Variants in SDCCAG8 observed in about 807,000 individuals in gnomAD.
SDCCAG8 encodes serologically defined colon cancer antigen 8.
Under a neutral mutation model 101.8 loss-of-function variants are expected in SDCCAG8, and 74 were observed. That is an observed-to-expected ratio of 0.73 (90% CI 0.60 to 0.88). The LOEUF (loss-of-function observed/expected upper bound fraction) is 0.88, where lower values mean the gene tolerates loss of function less well. SDCCAG8 is among the 40% of genes least tolerant of loss of function. The pLI, the probability that SDCCAG8 is intolerant of heterozygous loss-of-function variation, is 0.00. For synonymous variants in SDCCAG8, 281 were observed against 292.9 expected (o/e 0.96, Z 0.41); for missense variants, 787 against 822.6 (o/e 0.96, Z 0.53).
intron 16 of SDCCAG8, among the ~76,000 whole-genome samples, chr1:243,487,410 G>A (rs894088138): frequency 6.6e-6 from 1 of 152,238 alleles, no homozygotes; most frequent in Non-Finnish European, 1.5e-5. Flanking sequence ...ATGGCCTTAG[G>A]TATTGCCAGA....
intron 4 of SDCCAG8, among the ~76,000 whole-genome samples, chr1:243,278,728 G>A (rs1207522323): frequency 6.6e-6 from 1 of 152,058 alleles, no homozygotes; most frequent in East Asian, 1.9e-4. Flanking sequence ...GAAAGACAGT[G>A]TTATTTTCTC....
intron 6 of SDCCAG8, among the ~76,000 whole-genome samples, chr1:243,302,344 G>A (rs972629978): frequency 2.9e-5 from 4 of 139,052 alleles, no homozygotes; most frequent in African/African-American, 1.0e-4. Flanking sequence ...CTCTACTCTG[G>A]GGGAAAAAAT....
At chr1:243,454,067 A>T (rs1047160896) in intron 16 of SDCCAG8, among the ~76,000 whole-genome samples, 2 of 152,182 alleles carry the variant, frequency 1.3e-5, no homozygotes, top group Admixed American at 6.5e-5. Flanking sequence ...ATTCGCACCT[A>T]GCTCAGATTT....
Position 243,274,591 on chromosome 1 carries a change from G to A in SDCCAG8, c.355G>A (p.Val119Ile). The A allele has an allele frequency of 6.2e-7, 1 of 1,611,660 alleles. No individual in the cohort carries two copies. The highest frequency in any genetic ancestry group is 1.1e-5 in the South Asian group (1 of 90,870). The change falls in exon 4 of 18, where the codon GTT (valine) becomes ATT (isoleucine). Residue 119 changes from valine (V) to isoleucine (I), a missense_variant. Val to Ile is a conservative substitution (Grantham distance 29). Transcript: ENST00000366541. The part of the protein sequence containing the change: ...ETNMPTMHDL[V>I]HTINDQSQYI... ...CAATATGCCTACTATGCACGACCTTGTTCATACTATTAATGACCAGTCTCA... is the reference window on the plus strand; with the variant it reads ...CAATATGCCTACTATGCACGACCTTATTCATACTATTAATGACCAGTCTCA...
At chr1:243,442,031 C>T (rs1360540660) in intron 16 of SDCCAG8, among the ~76,000 whole-genome samples, 1 of 152,050 alleles carries the variant, frequency 6.6e-6, no homozygotes, top group Non-Finnish European at 1.5e-5. Flanking sequence ...AAGATGGAAA[C>T]TATTATAATA....
intron 1 of SDCCAG8, among the ~76,000 whole-genome samples, chr1:243,261,129 T>G (rs1010407598): frequency 1.3e-5 from 2 of 152,238 alleles, no homozygotes; most frequent in African/African-American, 4.8e-5. Context: ...TTCTGCTTTT[T>G]CTAAAAACAT....
chr1:243,380,958 G>T (rs35872799), intron 13 of SDCCAG8, among the ~76,000 whole-genome samples: 5,224 of 150,564 alleles, frequency 0.035, 140 homozygotes, highest in Middle Eastern at 0.058. Flanking sequence ...GTTTTTTTTT[G>T]AAGTTTGCCA....
At chr1:243,495,828 A>G (rs1667714217) in intron 17 of SDCCAG8, among the ~76,000 whole-genome samples, 1 of 152,104 alleles carries the variant, frequency 6.6e-6, no homozygotes, top group South Asian at 2.1e-4. Context: ...TGCCTTCCCA[A>G]TTTGGCAGCT....
intron 12 of SDCCAG8, among the ~76,000 whole-genome samples, chr1:243,362,949 T>A (rs2076802281): frequency 6.6e-6 from 1 of 152,222 alleles, no homozygotes; most frequent in South Asian, 2.1e-4. Context: ...TGCATTTACC[T>A]GTCTGGAACT....
At chr1:243,373,152 A>C (rs1334228185) in intron 12 of SDCCAG8, among the ~76,000 whole-genome samples, 2 of 152,022 alleles carry the variant, frequency 1.3e-5, no homozygotes, top group Non-Finnish European at 2.9e-5. Context: ...TTGGCCAAAA[A>C]AATGTTTGAA....
At chr1:243,343,235 GA>G (rs1283514611) in intron 11 of SDCCAG8, among the ~76,000 whole-genome samples, 4 of 152,114 alleles carry the variant, frequency 2.6e-5, no homozygotes, top group Non-Finnish European at 4.4e-5. Flanking sequence ...CCAAATACTT[GA>G]AAAGTTCCAA....
In SDCCAG8 at chr1:243,269,994, ATAAAGTACGAGAAATAAT is replaced by A. The variant is rs1558210181; in HGVS notation, c.68-110_68-93del. 5.4e-6 allele frequency: 8 copies of A among 1,470,448 alleles called. No homozygotes were observed. The East Asian group carries it at 1.6e-4, about 30-fold the overall frequency. The allele number at this position is 1,470,448 out of a possible 1,614,324, so 91.1% of individuals were successfully genotyped here. A position where few individuals can be genotyped will look rare whatever the true frequency, so the allele number is the denominator to read the frequency against. Reference sequence around the variant, plus strand: ...AGAAACAGAACTCTGCGTTTTTTCCATAAAGTACGAGAAATAATGATTTCACCTTTAAAAACTGCCTTC... The same window carrying A: ...AGAAACAGAACTCTGCGTTTTTTCCAGATTTCACCTTTAAAAACTGCCTTC... On this transcript the variant is annotated intron_variant, in intron 1 of 17. Transcript: ENST00000366541.
In SDCCAG8 at chr1:243,316,783, G is replaced by C; in HGVS notation, c.958G>C (p.Val320Leu). 1 of 1,614,188 alleles carries C rather than the reference G, an allele frequency of 6.2e-7. No homozygotes were observed. The highest frequency in any genetic ancestry group is 8.5e-7 in the Non-Finnish European group (1 of 1,180,026). ...AAGAGATGACTTGATGTCTGCACTA[G>C]TTTCCGTAAGGAGCAGCTTGGCAGA... Reference protein sequence around the residue: ...KERDDLMSALVSVRSSLADTQ... With the variant: ...KERDDLMSALLSVRSSLADTQ... The change falls in exon 9 of 18, where the codon GTT becomes CTT. Residue 320 changes from valine to leucine, a missense_variant. Val to Leu is a conservative substitution (Grantham distance 32, BLOSUM62 1). Transcript: ENST00000366541.
At chr1:243,287,092 G>A (rs2069696216) in intron 5 of SDCCAG8, among the ~76,000 whole-genome samples, 1 of 152,188 alleles carries the variant, frequency 6.6e-6, no homozygotes. Flanking sequence ...TTTGAAGAAC[G>A]TTGGGTCAGA....
chr1:243,366,204 G>C (rs560956732), intron 12 of SDCCAG8, among the ~76,000 whole-genome samples: 1 of 152,030 alleles, frequency 6.6e-6, no homozygotes, highest in East Asian at 1.9e-4. Flanking sequence ...AATATTTTCA[G>C]TTCATTTAAA....
intron 12 of SDCCAG8, among the ~76,000 whole-genome samples, chr1:243,357,291 A>G (rs1407367036): frequency 1.3e-5 from 2 of 151,978 alleles, no homozygotes; most frequent in African/African-American, 4.8e-5. Context: ...AGGCAAGAGA[A>G]TCGCTTGAAC....
intron 16 of SDCCAG8, among the ~76,000 whole-genome samples, chr1:243,427,688 G>T (rs6429425): frequency 0.13 from 19,354 of 152,036 alleles, 1,328 homozygotes; most frequent in Non-Finnish European, 0.15. Context: ...AGCCTGGGGT[G>T]GGGGGGAGGT....
chr1:243,486,985 G>C (rs954743998), intron 16 of SDCCAG8, among the ~76,000 whole-genome samples: 17 of 152,340 alleles, frequency 1.1e-4, no homozygotes, highest in African/African-American at 4.1e-4. Context: ...CTTCATCGGA[G>C]GGGAAAAGCC....
At chr1:243,426,772 T>C (rs981692968) in intron 16 of SDCCAG8, among the ~76,000 whole-genome samples, 1 of 152,240 alleles carries the variant, frequency 6.6e-6, no homozygotes, top group Non-Finnish European at 1.5e-5. Flanking sequence ...CTTTTTGTTA[T>C]TCTCTGAAGA....
Sources: gnomAD v4.1 joint callset for allele counts (sites outside exome capture counted in the v4.1 genomes callset) on GRCh38, gnomAD v4.1.1 for gene constraint, MANE v1.5 for transcripts, NCBI Gene and HGNC (gene_info 2026-07-23, HGNC 2026-07-21) for gene names.